Variants in RIMS3 observed in about 807,000 individuals in gnomAD.
RIMS3 encodes regulating synaptic membrane exocytosis 3.
Under a neutral mutation model 29.2 loss-of-function variants are expected in RIMS3, and 15 were observed. The observed-to-expected ratio is 0.51, with a 90% confidence interval of 0.34 to 0.79. The LOEUF is 0.79. RIMS3 is among the 30% of genes least tolerant of loss of function. RIMS3 has a pLI of 0.01. For synonymous variants in RIMS3, 161 were observed against 170.1 expected (o/e 0.95, Z 0.41); for missense variants, 342 against 421.4 (o/e 0.81, Z 1.65).
At chr1:40,683,902 T>C in the RIMS3 span, among the ~76,000 whole-genome samples, 2 of 152,238 alleles carry the variant, frequency 1.3e-5, no homozygotes, top group African/African-American at 2.4e-5. Context: ...CCTAATCCTT[T>C]ACTCCTACTT....
intron 1 of RIMS3, among the ~76,000 whole-genome samples, chr1:40,664,425 C>A (rs1642396298): frequency 6.6e-6 from 1 of 152,162 alleles, no homozygotes; most frequent in African/African-American, 2.4e-5. Flanking sequence ...CTTCAGGCCC[C>A]AAACCCAAGG....
At position 40,636,059 on chromosome 1, in the gene RIMS3, T is replaced by G. The variant is rs1302983645; in HGVS notation, c.218-2A>C. The G allele has an allele frequency of 6.2e-7, 1 of 1,602,672 alleles. No homozygotes were observed. Among genetic ancestry groups the G allele is most frequent in the East Asian group, 2.2e-5 (1 of 44,870 alleles). Reference sequence around the variant, plus strand: ...TGCGCAGCTTCTTGGTGGCCCCTTCTGTGACCCCCCCAACCCCAAGCACAG... The same window carrying G: ...TGCGCAGCTTCTTGGTGGCCCCTTCGGTGACCCCCCCAACCCCAAGCACAG... On this transcript the variant is annotated splice_acceptor_variant, in intron 3 of 7. Coordinates refer to ENST00000372684, the MANE Select transcript of RIMS3 (RefSeq NM_014747.3). LOFTEE classifies it high-confidence loss of function. This position sits in a 1 kb window ranked among gnomAD's most constrained non-coding sequence, Gnocchi z 4.2.
the RIMS3 span, chr1:40,690,674 G>A: frequency 6.6e-6 from 1 of 152,164 alleles, no homozygotes; most frequent in African/African-American, 2.4e-5. Flanking sequence ...AATTCAAGTC[G>A]AGGGTTTACT....
chr1:40,647,034 C>T (rs921514829), intron 2 of RIMS3, among the ~76,000 whole-genome samples: 7 of 152,230 alleles, frequency 4.6e-5, no homozygotes, highest in Admixed American at 1.3e-4. Flanking sequence ...GCGCCCACTA[C>T]CACGCCCAGC....
chr1:40,685,575 G>A, the RIMS3 span, among the ~76,000 whole-genome samples: 1 of 151,708 alleles, frequency 6.6e-6, no homozygotes, highest in African/African-American at 2.4e-5. Flanking sequence ...GTCACCCATC[G>A]GAAGAGTATC....
the RIMS3 span, among the ~76,000 whole-genome samples, chr1:40,678,648 A>T: frequency 6.6e-6 from 1 of 152,140 alleles, no homozygotes; most frequent in African/African-American, 2.4e-5. Context: ...ATAGCTGGGG[A>T]CAGGTGAGGA....
intron 1 of RIMS3, among the ~76,000 whole-genome samples, chr1:40,651,653 A>C (rs1646632817): frequency 6.6e-6 from 1 of 152,056 alleles, no homozygotes; most frequent in African/African-American, 2.4e-5. Flanking sequence ...TTCACCCTGA[A>C]CCCCTAGTAC....
rs1398575674 is a variant in RIMS3, at chr1:40,621,303, C to T, written c.*5214G>A. The T allele has an allele frequency of 1.3e-5, 2 of 152,366 alleles. No individual in the cohort carries two copies. The highest frequency in any genetic ancestry group is 6.5e-5 in the Admixed American group (1 of 15,300). The allele number at this position is 152,366 out of a possible 1,614,324, so 9.4% of individuals were successfully genotyped here. A position where few individuals can be genotyped will look rare whatever the true frequency, so the allele number is the denominator to read the frequency against. On this transcript the variant is annotated 3_prime_UTR_variant, in exon 8 of 8. Transcript: ENST00000372684. The stretch of plus-strand genomic sequence containing the variant: ...GGATGTAGCGGAGGTTGTGACATCA[C>T]ATCAGCACCTTGAAAATTGTCCATT...
intron 1 of RIMS3, among the ~76,000 whole-genome samples, chr1:40,653,254 G>C (rs2148356907): frequency 6.6e-6 from 1 of 152,300 alleles, no homozygotes; most frequent in Non-Finnish European, 1.5e-5. Flanking sequence ...GCCCAGAAGA[G>C]AGCAGAGAGT....
At chr1:40,645,069 T>C (rs1209121318) in intron 2 of RIMS3, among the ~76,000 whole-genome samples, 1 of 152,220 alleles carries the variant, frequency 6.6e-6, no homozygotes, top group African/African-American at 2.4e-5. Context: ...TGTGGCTGCC[T>C]GGACCGATCT....
the RIMS3 span, among the ~76,000 whole-genome samples, chr1:40,672,485 A>T: frequency 1.3e-5 from 2 of 152,188 alleles, no homozygotes; most frequent in African/African-American, 2.4e-5. Context: ...GGCGTGAGCC[A>T]CCGTGCCTGG....
In RIMS3 at chr1:40,623,027, T is replaced by A. The variant is rs1480276730; in HGVS notation, c.*3490A>T. 1 of 189,622 alleles carries A rather than the reference T, an allele frequency of 5.3e-6. No individual in the cohort carries two copies. Among genetic ancestry groups the A allele is most frequent in the Non-Finnish European group, 1.1e-5 (1 of 93,072 alleles). The allele number at this position is 189,622 out of a possible 1,614,324, so 11.7% of individuals were successfully genotyped here. On this transcript the variant is annotated 3_prime_UTR_variant, in exon 8 of 8. Coordinates refer to ENST00000372684, the MANE Select transcript of RIMS3 (RefSeq NM_014747.3). ...GCAGTAAAGAAGAGATCAGGCATGC[T>A]TCCCTGGTGGGTGGCATGACCATGG...
chr1:40,642,266 CCAAA>C (rs1308213541), intron 2 of RIMS3, among the ~76,000 whole-genome samples: 2 of 152,224 alleles, frequency 1.3e-5, no homozygotes, highest in South Asian at 2.1e-4. Context: ...GGACTTGTGA[CCAAA>C]CAAACATCCT....
At chr1:40,679,102 G>T in the RIMS3 span, among the ~76,000 whole-genome samples, 15 of 152,198 alleles carry the variant, frequency 9.9e-5, no homozygotes, top group African/African-American at 3.6e-4. Flanking sequence ...TAACAGAACT[G>T]CCAGAGGTCA....
At chr1:40,634,802 G>A (rs932573161) in intron 4 of RIMS3, among the ~76,000 whole-genome samples, 8 of 152,066 alleles carry the variant, frequency 5.3e-5, no homozygotes, top group African/African-American at 1.4e-4. Flanking sequence ...TTAGCCAGGC[G>A]TGGTGGTGCA....
intron 2 of RIMS3, among the ~76,000 whole-genome samples, chr1:40,643,279 C>T (rs1405253397): frequency 1.3e-5 from 2 of 151,788 alleles, no homozygotes; most frequent in African/African-American, 4.8e-5. Flanking sequence ...TTACAGGCGC[C>T]CGCCACCAAG....
the RIMS3 span, among the ~76,000 whole-genome samples, chr1:40,671,471 T>TA: frequency 0.079 from 12,030 of 152,258 alleles, 610 homozygotes; most frequent in Non-Finnish European, 0.12. Flanking sequence ...GAGATGATTA[T>TA]ACTAGGGGTG....
Position 40,659,089 on chromosome 1 carries a change from G to A in RIMS3, c.-207+6305C>T, listed in dbSNP as rs535074818. Among the ~76,000 whole-genome samples, 50 of 152,264 alleles carry A rather than the reference G, an allele frequency of 3.3e-4. 1 individual carries two copies. Among genetic ancestry groups the A allele is most frequent in the African/African-American group, 1.1e-3 (45 of 41,552 alleles). On this transcript the variant is annotated intron_variant, in intron 1 of 7. Transcript: ENST00000372684. ...GGGCTAACTCTGCCTGGGGAGGAGC[G>A]GAAGGGCTCCACAGGCTTCACAGCG...
chr1:40,635,991 A>G lies in RIMS3; in HGVS notation c.284T>C (p.Met95Thr), dbSNP rs146459616. Residue 95 changes from methionine to threonine, a missense_variant, in exon 4 of 8, where the codon ATG (methionine) becomes ACG (threonine). By Grantham distance (81) the Met-to-Thr change is moderately conservative (BLOSUM62 -1). Transcript: ENST00000372684. This position sits in a 1 kb window ranked among gnomAD's most constrained non-coding sequence, Gnocchi z 4.1. ...RSTETGIAVEMRSRVTRQGSR... is the reference protein window; with the variant it reads ...RSTETGIAVETRSRVTRQGSR... ...GCCCTGGCGTGTGACCCGGCTCCGC[A>G]TCTCCACCGCGATGCCTGTCTCCGT... 4.2e-5 allele frequency: 68 copies of G among 1,610,082 alleles called. No individual in the cohort carries two copies. Among genetic ancestry groups the G allele is most frequent in the Non-Finnish European group, 5.7e-5 (67 of 1,179,956 alleles).
Sources: allele counts gnomAD v4.1 joint callset (sites outside exome capture counted in the v4.1 genomes callset), GRCh38; gene constraint gnomAD v4.1.1; non-coding constraint Gnocchi (gnomAD v3.1); transcripts MANE v1.5; gene names NCBI Gene and HGNC (gene_info 2026-07-23, HGNC 2026-07-21).